GNPTAB: variants seen among roughly 807,000 people sequenced by gnomAD.
GNPTAB encodes the protein N-acetylglucosamine-1-phosphotransferase subunits alpha/beta.
GNPTAB carries 92 observed loss-of-function variants against 136.6 expected under a neutral mutation model. The ratio of observed to expected loss-of-function variants is 0.67; its 90% CI spans 0.57 to 0.80. The LOEUF (loss-of-function observed/expected upper bound fraction) is 0.80, where lower values mean the gene tolerates loss of function less well. Among genes scored for constraint, GNPTAB ranks in the 30% least tolerant of loss-of-function variants. GNPTAB has a pLI of 0.00. For synonymous variants in GNPTAB, 512 were observed against 535.1 expected (o/e 0.96, Z 0.60); for missense variants, 1,343 against 1,501.8 (o/e 0.89, Z 1.75).
chr12:101,749,273 C>G (rs1952781680), intron 19 of GNPTAB, 82 bp from the exon 20 acceptor site: 2 of 826,444 alleles, frequency 2.4e-6, no homozygotes, highest in African/African-American at 3.4e-5. Flanking sequence ...TATACTAGTT[C>G]TATAAAAACA....
chr12:101,779,909 T>A (rs1209356398), intron 7 of GNPTAB: 1 of 532,006 alleles, frequency 1.9e-6, no homozygotes, highest in Non-Finnish European at 3.4e-6. Context: ...GGAGACATTG[T>A]AGGAGCTCAT....
intron 1 of GNPTAB, among the ~76,000 whole-genome samples, chr12:101,809,374 T>C (rs561224863): frequency 6.6e-6 from 1 of 152,334 alleles, no homozygotes; most frequent in South Asian, 2.1e-4. Flanking sequence ...AGACAGTTTG[T>C]CAGTGTCTCA....
intron 4 of GNPTAB, among the ~76,000 whole-genome samples, chr12:101,787,645 T>A (rs1471015542): frequency 1.3e-5 from 2 of 152,134 alleles, no homozygotes; most frequent in African/African-American, 4.8e-5. Flanking sequence ...CCGGATGCGG[T>A]GACTCACGCC....
intron 7 of GNPTAB, among the ~76,000 whole-genome samples, chr12:101,777,622 C>A (rs1334703752): frequency 6.6e-6 from 1 of 152,180 alleles, no homozygotes; most frequent in Non-Finnish European, 1.5e-5. Flanking sequence ...CCAAGTACAC[C>A]TAAAGCCCAG....
chr12:101,780,086 C>T (rs1953318336), intron 7 of GNPTAB, 66 bp downstream of exon 7: 1 of 1,497,496 alleles, frequency 6.7e-7, no homozygotes, highest in Non-Finnish European at 9.3e-7. Context: ...AAATGGACCA[C>T]AAGAAAAGAA....
chr12:101,785,834 G>A, intron 5 of GNPTAB, 178 bp downstream of exon 5: 1 of 603,710 alleles, frequency 1.7e-6, no homozygotes, highest in Non-Finnish European at 2.9e-6. Context: ...AATATATGCA[G>A]CAATCCCTTT....
At chr12:101,793,137 G>A (rs1214738963) in intron 2 of GNPTAB, among the ~76,000 whole-genome samples, 7 of 152,036 alleles carry the variant, frequency 4.6e-5, no homozygotes, top group African/African-American at 7.2e-5. Flanking sequence ...TCCTACATGG[G>A]TGGGGTTTAA....
At chr12:101,821,643 G>A (rs1333174205) in intron 1 of GNPTAB, among the ~76,000 whole-genome samples, 7 of 152,068 alleles carry the variant, frequency 4.6e-5, no homozygotes, top group Non-Finnish European at 7.4e-5. Flanking sequence ...ATTCTGTGAC[G>A]CCTGCTCCAC....
chr12:101,783,464 A>G (rs1868460270), intron 5 of GNPTAB, among the ~76,000 whole-genome samples: 1 of 152,216 alleles, frequency 6.6e-6, no homozygotes, highest in South Asian at 2.1e-4. Flanking sequence ...AGAAAGTTAT[A>G]AGGAAGCAGT....
intron 1 of GNPTAB, among the ~76,000 whole-genome samples, chr12:101,827,875 G>GA (rs1871177086): frequency 6.6e-6 from 1 of 152,130 alleles, no homozygotes; most frequent in South Asian, 2.1e-4. Flanking sequence ...GTGGGGCAGG[G>GA]AAAATTACTT....
At chr12:101,756,918 T>C (rs930702631) in intron 18 of GNPTAB, 2 of 296,636 alleles carry the variant, frequency 6.7e-6, no homozygotes, top group African/African-American at 4.4e-5. Flanking sequence ...AAGGCATTTC[T>C]AGAATGTCCC....
At chr12:101,774,981 T>C (rs1953239108) in intron 7 of GNPTAB, among the ~76,000 whole-genome samples, 1 of 152,192 alleles carries the variant, frequency 6.6e-6, no homozygotes, top group Non-Finnish European at 1.5e-5. Context: ...CTGCGTCAAG[T>C]TGTCTAAACA....
chr12:101,791,181 T>C (rs752378797), intron 2 of GNPTAB, among the ~76,000 whole-genome samples: 8 of 152,230 alleles, frequency 5.3e-5, no homozygotes, highest in Non-Finnish European at 1.0e-4. Flanking sequence ...TTCTTGAGTA[T>C]GTTGTTTAAG....
intron 1 of GNPTAB, among the ~76,000 whole-genome samples, chr12:101,813,801 C>T (rs1431821015): frequency 6.6e-6 from 1 of 152,100 alleles, no homozygotes; most frequent in African/African-American, 2.4e-5. Flanking sequence ...AGAGTTCAGG[C>T]CGGGCATGGT....
chr12:101,770,452 G>C lies in GNPTAB; in HGVS notation c.1067C>G (p.Ser356Cys). The change falls in exon 9 of 21, where the codon TCC becomes TGC. Residue 356 changes from serine to cysteine, a missense_variant. Physicochemically the swap from Ser to Cys is moderately radical, Grantham distance 112. Transcript: ENST00000299314. The part of the protein sequence containing the change: ...IFIVTNGQIP[S>C]WLNLDNPRVT... ...TCGAGGATTGTCAAGGTTCAGCCAG[G>C]ATGGAATCTGCCCGTTGGTGACAAT... is the stretch of plus-strand genomic sequence containing the variant. 1 of 1,613,840 alleles carries C rather than the reference G, an allele frequency of 6.2e-7. No individual in the cohort carries two copies. Among genetic ancestry groups the C allele is most frequent in the Non-Finnish European group, 8.5e-7 (1 of 1,179,722 alleles).
intron 18 of GNPTAB, among the ~76,000 whole-genome samples, chr12:101,754,166 C>T (rs969375400): frequency 2.4e-4 from 36 of 152,224 alleles, no homozygotes; most frequent in African/African-American, 7.0e-4. Context: ...GTGGCTCATG[C>T]CTGTAATCCC....
chr12:101,754,530 T>C (rs1952873064), intron 18 of GNPTAB, among the ~76,000 whole-genome samples: 1 of 152,126 alleles, frequency 6.6e-6, no homozygotes, highest in Non-Finnish European at 1.5e-5. Context: ...AGACAGTGCC[T>C]TATAGCTACA....
chr12:101,830,493 C>G, intron 1 of GNPTAB, 66 bp downstream of exon 1: 2 of 863,380 alleles, frequency 2.3e-6, no homozygotes, highest in East Asian at 5.0e-5. Flanking sequence ...ATCGGGGCAT[C>G]GCGGGGCACG....
At chr12:101,777,865 T>G (rs1411375702) in intron 7 of GNPTAB, among the ~76,000 whole-genome samples, 1 of 152,200 alleles carries the variant, frequency 6.6e-6, no homozygotes, top group Non-Finnish European at 1.5e-5. Context: ...AAATCTTAAG[T>G]CCTAGTCCCT....
Sources: allele counts gnomAD v4.1 joint callset (sites outside exome capture counted in the v4.1 genomes callset), GRCh38; gene constraint gnomAD v4.1.1; transcripts MANE v1.5; gene names NCBI Gene and HGNC (gene_info 2026-07-23, HGNC 2026-07-21).